OR52N4: variants seen among roughly 807,000 people sequenced by gnomAD.
OR52N4 encodes olfactory receptor 52N4.
A neutral mutation model predicts 15.0 loss-of-function variants in OR52N4; 15 were observed. That is an observed-to-expected ratio of 1.00 (90% CI 0.67 to 1.54). The LOEUF is 1.54. Ranked by LOEUF, OR52N4 falls within the 40% of genes most tolerant of loss-of-function variation. The pLI is 0.00. For synonymous variants in OR52N4, 143 were observed against 143.7 expected, an observed-to-expected ratio of 1.00 and a Z score of 0.03; for missense variants, 421 against 394.0, an observed-to-expected ratio of 1.07 and a Z score of -0.58.
the OR52N4 span, among the ~76,000 whole-genome samples, chr11:5,732,585 G>A: frequency 3.3e-5 from 5 of 151,690 alleles, no homozygotes; most frequent in East Asian, 3.9e-4. Flanking sequence ...GGTTATTTTC[G>A]GTCTCTTTTT....
At chr11:5,745,719 A>T in the OR52N4 span, among the ~76,000 whole-genome samples, 1 of 152,196 alleles carries the variant, frequency 6.6e-6, no homozygotes, top group African/African-American at 2.4e-5. Flanking sequence ...ATGGAACCAA[A>T]AAAGAGCCAA....
At position 5,755,463 on chromosome 11, in the gene OR52N4, T is replaced by TA; in HGVS notation, c.724dup (p.Thr242AsnfsTer73). 1.2e-6 allele frequency: 2 copies of TA among 1,614,058 alleles called. No homozygotes were observed. Among genetic ancestry groups the TA allele is most frequent in the Non-Finnish European group, 1.7e-6 (2 of 1,179,946 alleles). On this transcript the variant is annotated frameshift_variant, in exon 2 of 2. Coordinates refer to ENST00000641350, the MANE Select transcript of OR52N4 (RefSeq NM_001005175.5). LOFTEE classifies it high-confidence loss of function. ...CAGATGCTCGGCAGAAGGCCTTTAA[T>TA]ACCTGCACTGCCCACATTTGTGCCA...
At chr11:5,736,250 T>C in the OR52N4 span, 1 of 439,162 alleles carries the variant, frequency 2.3e-6, no homozygotes, top group South Asian at 2.6e-5. Flanking sequence ...TGGACATCTA[T>C]ATCAACTTGA....
At chr11:5,749,390 T>C (rs547860147), upstream of OR52N4, among the ~76,000 whole-genome samples, 2 of 152,074 alleles carry the variant, frequency 1.3e-5, no homozygotes, top group South Asian at 4.1e-4. Flanking sequence ...TTGAGTTCTT[T>C]TGGAAAACAT....
At chr11:5,743,488 C>T in the OR52N4 span, among the ~76,000 whole-genome samples, 1 of 152,132 alleles carries the variant, frequency 6.6e-6, no homozygotes, top group Non-Finnish European at 1.5e-5. Flanking sequence ...TGCTCAAATG[C>T]TAGGCCAGTC....
chr11:5,752,279 C>T (rs1395536195), upstream of OR52N4, among the ~76,000 whole-genome samples: 1 of 152,114 alleles, frequency 6.6e-6, no homozygotes, highest in African/African-American at 2.4e-5. Context: ...GAGGAGCATG[C>T]CTATTAACAA....
the OR52N4 span, among the ~76,000 whole-genome samples, chr11:5,746,863 T>G: frequency 1.2e-4 from 19 of 152,242 alleles, no homozygotes; most frequent in African/African-American, 4.1e-4. Flanking sequence ...ATTTGTATGA[T>G]TATCTCAGCA....
chr11:5,737,113 T>A, the OR52N4 span: 1 of 1,614,012 alleles, frequency 6.2e-7, no homozygotes, highest in Non-Finnish European at 8.5e-7. Flanking sequence ...TGGCTTGTGA[T>A]GACAGGAGGC....
At chr11:5,748,165 A>G in the OR52N4 span, among the ~76,000 whole-genome samples, 1 of 151,940 alleles carries the variant, frequency 6.6e-6, no homozygotes, top group East Asian at 1.9e-4. Context: ...TAAAATTGTA[A>G]TATTTATGCT....
At chr11:5,751,971 A>G (rs780550131), upstream of OR52N4, among the ~76,000 whole-genome samples, 1 of 152,102 alleles carries the variant, frequency 6.6e-6, no homozygotes, top group Non-Finnish European at 1.5e-5. Flanking sequence ...TGCTTGAAGA[A>G]TGTATAGGGA....
intron 1 of OR52N4, 108 bp downstream of exon 1, chr11:5,754,413 T>C (rs1459657992): frequency 4.2e-6 from 1 of 237,236 alleles, no homozygotes; most frequent in Non-Finnish European, 8.1e-6. Flanking sequence ...AGAATTATAC[T>C]TGATTATAAA....
At chr11:5,737,391 C>T in the OR52N4 span, 9 of 1,613,944 alleles carry the variant, frequency 5.6e-6, no homozygotes, top group African/African-American at 1.1e-4. Context: ...AACATCATCC[C>T]CCCTTCCCTC....
At chr11:5,739,056 C>A in the OR52N4 span, among the ~76,000 whole-genome samples, 1 of 126,954 alleles carries the variant, frequency 7.9e-6, no homozygotes, top group African/African-American at 2.8e-5. Flanking sequence ...ATGTATCTTT[C>A]TTATTAGTCT....
the OR52N4 span, among the ~76,000 whole-genome samples, chr11:5,742,862 A>G: frequency 6.6e-6 from 1 of 152,164 alleles, no homozygotes; most frequent in Non-Finnish European, 1.5e-5. Flanking sequence ...GTAACAATGA[A>G]CATCATGACA....
At chr11:5,733,895 A>G in the OR52N4 span, among the ~76,000 whole-genome samples, 3 of 152,156 alleles carry the variant, frequency 2.0e-5, no homozygotes, top group Non-Finnish European at 2.9e-5. Context: ...ATAAATGAAG[A>G]TATTCTTCTA....
At chr11:5,737,167 G>A in the OR52N4 span, 97 of 1,613,972 alleles carry the variant, frequency 6.0e-5, 1 homozygote, top group Middle Eastern at 6.6e-4. Context: ...TTGGAATGGG[G>A]AGTGATCTAA....
At chr11:5,747,125 A>C in the OR52N4 span, among the ~76,000 whole-genome samples, 1 of 149,330 alleles carries the variant, frequency 6.7e-6, no homozygotes, top group Non-Finnish European at 1.5e-5. Flanking sequence ...TGGTGGTGCT[A>C]AGCCTGTAGT....
the OR52N4 span, among the ~76,000 whole-genome samples, chr11:5,730,402 A>G: frequency 6.6e-6 from 1 of 151,976 alleles, no homozygotes; most frequent in East Asian, 1.9e-4. Context: ...TGTGTTAGCC[A>G]GGATGGTCTC....
chr11:5,738,950 A>T, the OR52N4 span, among the ~76,000 whole-genome samples: 2 of 72,474 alleles, frequency 2.8e-5, 1 homozygote, highest in Non-Finnish European at 6.4e-5. Context: ...ACCAGTTGCT[A>T]GAAAGTCTGT....
Sources: allele counts gnomAD v4.1 joint callset (sites outside exome capture counted in the v4.1 genomes callset), GRCh38; gene constraint gnomAD v4.1.1; transcripts MANE v1.5; gene names NCBI Gene and HGNC (gene_info 2026-07-23, HGNC 2026-07-21).